Variants in BCL2L1 observed in about 807,000 individuals in gnomAD.
BCL2L1 encodes the protein BCL2 like 1.
A neutral mutation model predicts 18.7 loss-of-function variants in BCL2L1; 1 was observed. The observed-to-expected ratio is 0.05, with a 90% CI of 0.02 to 0.25. The LOEUF is 0.25. Among genes scored for constraint, BCL2L1 ranks in the 10% least tolerant of loss-of-function variants. The probability of loss-of-function intolerance (pLI) is 1.00; values close to 1 mark genes in which losing one functional copy is unlikely to be tolerated. For missense variants in BCL2L1, 207 were observed against 304.9 expected (o/e 0.68, Z 2.39); for synonymous variants, 103 against 122.7 (o/e 0.84, Z 1.06).
At chr20:31,716,858 T>C (rs1408161100) in intron 2 of BCL2L1, 3 of 152,124 alleles carry the variant, frequency 2.0e-5, no homozygotes, top group African/African-American at 7.2e-5. Flanking sequence ...CTGAAGCTGG[T>C]GATATTCTCC....
intron 2 of BCL2L1, among the ~76,000 whole-genome samples, chr20:31,694,147 G>A (rs2061129562): frequency 6.6e-6 from 1 of 152,158 alleles, no homozygotes; most frequent in Non-Finnish European, 1.5e-5. Context: ...CCCAGGAACT[G>A]GCACCTGTAG....
At chr20:31,720,815 C>A in intron 2 of BCL2L1, 1 of 985,366 alleles carries the variant, frequency 1.0e-6, no homozygotes, top group Non-Finnish European at 1.2e-6. Context: ...CCCACAGAGC[C>A]CCAAAGACTA....
At chr20:31,689,727 G>T (rs1206155662) in intron 2 of BCL2L1, among the ~76,000 whole-genome samples, 1 of 152,086 alleles carries the variant, frequency 6.6e-6, no homozygotes, top group East Asian at 1.9e-4. Context: ...GTTAAGAAAA[G>T]ATGTTCTGCC....
intron 2 of BCL2L1, among the ~76,000 whole-genome samples, chr20:31,716,161 GTAAT>G (rs2061532832): frequency 1.3e-5 from 2 of 152,112 alleles, no homozygotes; most frequent in South Asian, 2.1e-4. Flanking sequence ...GTACAACTAT[GTAAT>G]TAATTATTTT....
intron 2 of BCL2L1, among the ~76,000 whole-genome samples, chr20:31,719,518 ATG>A (rs892180487): frequency 6.6e-6 from 1 of 152,146 alleles, no homozygotes; most frequent in African/African-American, 2.4e-5. Flanking sequence ...TAGGGAGAGA[ATG>A]TGTGCTCAGA....
upstream of BCL2L1, chr20:31,722,909 C>T (rs1006261366): frequency 1.3e-5 from 2 of 152,406 alleles, no homozygotes; most frequent in African/African-American, 4.8e-5. Flanking sequence ...CACCCGGGAG[C>T]CCAGCCCCCT....
intron 2 of BCL2L1, among the ~76,000 whole-genome samples, chr20:31,711,703 T>C (rs1026591421): frequency 6.6e-6 from 1 of 152,190 alleles, no homozygotes; most frequent in African/African-American, 2.4e-5. Context: ...AGCCAGAACA[T>C]GAATTCTAAG....
intron 2 of BCL2L1, among the ~76,000 whole-genome samples, chr20:31,676,985 C>T (rs1244001425): frequency 3.9e-5 from 6 of 152,136 alleles, no homozygotes; most frequent in African/African-American, 1.4e-4. Context: ...TGCTCTCCTG[C>T]TCTCCTCCAA....
chr20:31,696,251 C>G (rs1383731868), intron 2 of BCL2L1, among the ~76,000 whole-genome samples: 1 of 152,158 alleles, frequency 6.6e-6, no homozygotes, highest in Non-Finnish European at 1.5e-5. Context: ...GACCAATATC[C>G]CTCAGGAAAT....
intron 2 of BCL2L1, chr20:31,713,527 G>T (rs1214053826): frequency 2.0e-6 from 2 of 985,224 alleles, no homozygotes; most frequent in African/African-American, 3.5e-5. Flanking sequence ...CTCCAGTTCC[G>T]AGGGGAGCAC....
intron 2 of BCL2L1, among the ~76,000 whole-genome samples, chr20:31,677,182 ATT>A (rs552709722): frequency 5.0e-5 from 7 of 139,524 alleles, no homozygotes; most frequent in Non-Finnish European, 7.7e-5. Flanking sequence ...TCCTTATTTA[ATT>A]TTTTTTTTTT....
chr20:31,698,763 C>A (rs1035170493), intron 2 of BCL2L1, among the ~76,000 whole-genome samples: 2 of 152,198 alleles, frequency 1.3e-5, no homozygotes, highest in African/African-American at 4.8e-5. Flanking sequence ...TGGTCTCAAA[C>A]TCCTAAGCTC....
chr20:31,718,580 G>A (rs572601679), intron 2 of BCL2L1, among the ~76,000 whole-genome samples: 17 of 151,816 alleles, frequency 1.1e-4, no homozygotes, highest in South Asian at 4.2e-4. Flanking sequence ...ACTTGAACCC[G>A]GGAGGCAGAG....
chr20:31,713,437 ACT>A, intron 2 of BCL2L1: 1 of 985,036 alleles, frequency 1.0e-6, no homozygotes, highest in African/African-American at 1.7e-5. Flanking sequence ...CAGTTTCCAC[ACT>A]CTTGCCGGCA....
intron 2 of BCL2L1, among the ~76,000 whole-genome samples, chr20:31,687,053 C>T (rs1277582348): frequency 6.6e-6 from 1 of 152,202 alleles, no homozygotes; most frequent in Non-Finnish European, 1.5e-5. Flanking sequence ...TCTGGTGGCT[C>T]ACACCTGTAA....
At chr20:31,705,228 T>C (rs2061353291) in intron 2 of BCL2L1, among the ~76,000 whole-genome samples, 1 of 152,248 alleles carries the variant, frequency 6.6e-6, no homozygotes, top group South Asian at 2.1e-4. Context: ...TTCAATGAAC[T>C]ATCTCATATA....
intron 2 of BCL2L1, chr20:31,716,913 T>C (rs941115389): frequency 1.3e-5 from 2 of 152,128 alleles, no homozygotes; most frequent in African/African-American, 4.8e-5. Context: ...CCAGTGGGAT[T>C]GCCTGACTCA....
chr20:31,720,028 A>G (rs1300508187), intron 2 of BCL2L1: 2 of 914,308 alleles, frequency 2.2e-6, no homozygotes, highest in Non-Finnish European at 2.6e-6. Context: ...ACCAACAGGA[A>G]CTATTTAATC....
intron 2 of BCL2L1, among the ~76,000 whole-genome samples, chr20:31,712,502 T>C (rs926732203): frequency 2.0e-5 from 3 of 152,106 alleles, no homozygotes; most frequent in Non-Finnish European, 4.4e-5. Context: ...TTAACAATAA[T>C]ATTAATCACC....
Sources: gnomAD v4.1 joint callset for allele counts (sites outside exome capture counted in the v4.1 genomes callset) on GRCh38, gnomAD v4.1.1 for gene constraint, MANE v1.5 for transcripts, NCBI Gene and HGNC (gene_info 2026-07-23, HGNC 2026-07-21) for gene names.